GPD2: variants seen among roughly 807,000 people sequenced by gnomAD.
GPD2 encodes glycerol-3-phosphate dehydrogenase 2.
Under a neutral mutation model 82.4 loss-of-function variants are expected in GPD2, and 54 were observed. The observed-to-expected ratio is 0.66, with a 90% confidence interval of 0.53 to 0.82. The LOEUF is 0.82. Ranked by LOEUF, GPD2 falls within the 40% of genes least tolerant of loss-of-function variation. The pLI, the probability that GPD2 is intolerant of heterozygous loss-of-function variation, is 0.00. For missense variants in GPD2, 748 were observed against 896.2 expected (o/e 0.83, Z 2.11); for synonymous variants, 288 against 306.1 (o/e 0.94, Z 0.62).
At chr2:156,445,139 T>C (rs1176337230) in intron 1 of GPD2, among the ~76,000 whole-genome samples, 2 of 152,212 alleles carry the variant, frequency 1.3e-5, no homozygotes, top group Admixed American at 6.5e-5. Flanking sequence ...ATGACAAGTA[T>C]TTATTAAGCA....
the GPD2 span, among the ~76,000 whole-genome samples, chr2:156,405,219 G>A: frequency 6.6e-6 from 1 of 152,196 alleles, no homozygotes; most frequent in Non-Finnish European, 1.5e-5. Context: ...TAGACTTGGG[G>A]TGTAGTGTAG....
At chr2:156,560,654 A>G (rs370728230) in intron 9 of GPD2, among the ~76,000 whole-genome samples, 12 of 152,326 alleles carry the variant, frequency 7.9e-5, no homozygotes, top group African/African-American at 2.9e-4. Context: ...TTCATATTTG[A>G]GGAATTATGC....
intron 3 of GPD2, among the ~76,000 whole-genome samples, chr2:156,499,867 C>G (rs561737649): frequency 6.6e-6 from 1 of 150,968 alleles, no homozygotes; most frequent in East Asian, 1.9e-4. Context: ...TGAACCAGCT[C>G]TGAGAATAGT....
intron 9 of GPD2, 140 bp downstream of exon 9, chr2:156,557,722 G>C: frequency 1.5e-6 from 1 of 688,020 alleles, no homozygotes; most frequent in Non-Finnish European, 2.6e-6. Flanking sequence ...CATTTATGAG[G>C]GCCAAATTTT....
intron 6 of GPD2, among the ~76,000 whole-genome samples, chr2:156,521,047 T>TA: frequency 6.6e-6 from 1 of 152,216 alleles, no homozygotes; most frequent in Non-Finnish European, 1.5e-5. Flanking sequence ...GTTGCATGTG[T>TA]CTACCAGGGT....
the GPD2 span, among the ~76,000 whole-genome samples, chr2:156,413,579 C>T: frequency 6.7e-6 from 1 of 149,288 alleles, no homozygotes; most frequent in Non-Finnish European, 1.5e-5. Context: ...GAGTGAGACT[C>T]CACCACACAA....
At chr2:156,495,196 A>G (rs925243302) in intron 2 of GPD2, among the ~76,000 whole-genome samples, 1 of 152,112 alleles carries the variant, frequency 6.6e-6, no homozygotes, top group African/African-American at 2.4e-5. Context: ...AAAAAATACG[A>G]AAATCAGCCA....
chr2:156,520,334 A>G (rs373862971), intron 6 of GPD2, among the ~76,000 whole-genome samples: 1 of 115,834 alleles, frequency 8.6e-6, no homozygotes, highest in African/African-American at 3.2e-5. Context: ...TCTGCTACCC[A>G]GTATTTCCCT....
chr2:156,410,977 A>T, the GPD2 span, among the ~76,000 whole-genome samples: 1 of 152,214 alleles, frequency 6.6e-6, no homozygotes, highest in Non-Finnish European at 1.5e-5. Context: ...CTTTAACGTG[A>T]TTATTTTCCC....
chr2:156,504,407 A>T (rs536879069), intron 3 of GPD2, among the ~76,000 whole-genome samples: 83 of 151,990 alleles, frequency 5.5e-4, no homozygotes, highest in Middle Eastern at 3.4e-3. Flanking sequence ...AAAAAAAACT[A>T]TATTATTTTT....
intron 6 of GPD2, among the ~76,000 whole-genome samples, chr2:156,526,723 T>A (rs1573963601): frequency 6.6e-6 from 1 of 152,118 alleles, no homozygotes; most frequent in Admixed American, 6.5e-5. Flanking sequence ...GCAGTAACTA[T>A]CTAATGAATT....
At chr2:156,552,031 A>G (rs1281750419) in intron 8 of GPD2, among the ~76,000 whole-genome samples, 3 of 152,212 alleles carry the variant, frequency 2.0e-5, no homozygotes, top group Non-Finnish European at 2.9e-5. Flanking sequence ...TATGCTATAG[A>G]TCATGCTGCC....
intron 3 of GPD2, among the ~76,000 whole-genome samples, chr2:156,499,990 G>A (rs1684530029): frequency 2.0e-5 from 3 of 151,956 alleles, no homozygotes. Flanking sequence ...TAGTGATCAA[G>A]GTATTAGCTA....
chr2:156,481,871 G>A (rs188294090), intron 2 of GPD2, among the ~76,000 whole-genome samples: 3 of 152,054 alleles, frequency 2.0e-5, no homozygotes, highest in Non-Finnish European at 2.9e-5. Flanking sequence ...GGACATTTAG[G>A]TTGATTCCAT....
rs559722652 is a variant in GPD2, at chr2:156,550,707, C to T, written c.932C>T (p.Pro311Leu). The change falls in exon 8 of 17, where the codon CCA becomes CTA. Residue 311 changes from proline (P) to leucine (L), a missense_variant. By Grantham distance (98) the Pro-to-Leu change is moderately conservative. Coordinates refer to ENST00000438166, the MANE Select transcript of GPD2 (RefSeq NM_000408.5). ...DDKDAAAICQ[P>L]SAGVHIVMPG... ...AAAGACGCAGCAGCTATCTGCCAGC[C>T]AAGTGCTGGTGTCCATATTGTGATG... 1 of 1,613,556 alleles carries T rather than the reference C, an allele frequency of 6.2e-7. No individual in the cohort carries two copies. Among genetic ancestry groups the T allele is most frequent in the South Asian group, 1.1e-5 (1 of 91,058 alleles).
At chr2:156,468,911 C>T (rs1361833540) in intron 1 of GPD2, among the ~76,000 whole-genome samples, 1 of 152,074 alleles carries the variant, frequency 6.6e-6, no homozygotes, top group East Asian at 1.9e-4. Flanking sequence ...CTATCAACTT[C>T]CAGATCTTAT....
chr2:156,581,241 TAC>T (rs1688013537), intron 16 of GPD2, among the ~76,000 whole-genome samples: 1 of 152,270 alleles, frequency 6.6e-6, no homozygotes, highest in South Asian at 2.1e-4. Flanking sequence ...TAAGAACAAA[TAC>T]ACAGTGTGAT....
At chr2:156,407,800 G>A in the GPD2 span, among the ~76,000 whole-genome samples, 1 of 152,028 alleles carries the variant, frequency 6.6e-6, no homozygotes, top group Admixed American at 6.6e-5. Context: ...CTAAATCCAA[G>A]GGTGAGTACA....
intron 6 of GPD2, among the ~76,000 whole-genome samples, chr2:156,532,716 A>T (rs1332886287): frequency 6.6e-6 from 1 of 152,214 alleles, no homozygotes; most frequent in Non-Finnish European, 1.5e-5. Context: ...CCAAGTCAGA[A>T]ATTCTGAGTA....
Sources: gnomAD v4.1 joint callset for allele counts (sites outside exome capture counted in the v4.1 genomes callset) on GRCh38, gnomAD v4.1.1 for gene constraint, MANE v1.5 for transcripts, NCBI Gene and HGNC (gene_info 2026-07-23, HGNC 2026-07-21) for gene names.